The following GPR39 variants were observed in gnomAD, a reference collection of about 807,000 sequenced individuals.
The protein encoded by GPR39 is G protein-coupled receptor 39, also known as zinc sensing receptor.
A neutral mutation model predicts 18.4 loss-of-function variants in GPR39; 23 were observed. That is an observed-to-expected ratio of 1.25 (90% CI 0.90 to 1.77). GPR39 has a LOEUF of 1.77. Ranked by LOEUF, GPR39 falls within the 40% of genes most tolerant of loss-of-function variation. GPR39 has a pLI of 0.00. For synonymous variants in GPR39, 280 were observed against 257.9 expected, an observed-to-expected ratio of 1.09 and a Z score of -0.82; for missense variants, 647 against 602.4, an observed-to-expected ratio of 1.07 and a Z score of -0.78.
Position 132,645,414 on chromosome 2 carries a change from C to T in GPR39, c.1170C>T (p.Arg390=). The T allele has an allele frequency of 1.2e-6, 2 of 1,613,660 alleles. No individual in the cohort carries two copies. The highest frequency in any genetic ancestry group is 1.7e-6 in the Non-Finnish European group (2 of 1,180,032). Residue 390 remains arginine (R), a synonymous_variant, in exon 2 of 2, where the codon CGC becomes CGT. Transcript: ENST00000329321. ...CCGACAGCGCCCGCTTTGTGCAGCG[C>T]CCGTTGCTCTTCGCGTCCCGGCGCC... ...STTDSARFVQ[R]PLLFASRRQS... is the part of the protein sequence containing the mutation.
chr2:132,465,760 C>A (rs1309933043), intron 1 of GPR39, among the ~76,000 whole-genome samples: 2 of 152,020 alleles, frequency 1.3e-5, no homozygotes, highest in East Asian at 3.9e-4. Flanking sequence ...TTTTGCCTAC[C>A]ACTTAATAGC....
At chr2:132,552,612 T>G (rs1022313991) in intron 1 of GPR39, among the ~76,000 whole-genome samples, 1 of 152,058 alleles carries the variant, frequency 6.6e-6, no homozygotes, top group African/African-American at 2.4e-5. Flanking sequence ...TTATTTAAAA[T>G]ATACAGGAGG....
At chr2:132,466,735 T>G (rs1290218136) in intron 1 of GPR39, among the ~76,000 whole-genome samples, 1 of 152,202 alleles carries the variant, frequency 6.6e-6, no homozygotes, top group East Asian at 1.9e-4. Flanking sequence ...CTATAACATT[T>G]TAGATGGAGA....
chr2:132,553,052 A>G (rs1680077291), intron 1 of GPR39, among the ~76,000 whole-genome samples: 1 of 151,298 alleles, frequency 6.6e-6, no homozygotes, highest in Non-Finnish European at 1.5e-5. Context: ...CAGCCTCCCA[A>G]GTAGATTGGA....
chr2:132,433,635 G>C (rs1680261593), intron 1 of GPR39: 1 of 151,022 alleles, frequency 6.6e-6, no homozygotes, highest in Non-Finnish European at 1.5e-5. Context: ...TGCAACTGCA[G>C]TTGCCCTCCA....
At chr2:132,426,126 C>T (rs1467811784) in intron 1 of GPR39, among the ~76,000 whole-genome samples, 1 of 152,180 alleles carries the variant, frequency 6.6e-6, no homozygotes, top group Non-Finnish European at 1.5e-5. Context: ...GTTCAATCTC[C>T]AGAAGCTTCT....
In GPR39 at chr2:132,645,180, C is replaced by T. The variant is rs775441952; in HGVS notation, c.936C>T (p.His312=). ...TCATGGCTGCGGCCAAACCCAAGCA[C>T]GACTGGACGAGGTCCTACTTCCGGG... is the stretch of plus-strand genomic sequence containing the variant. ...RRIMAAAKPK[H]DWTRSYFRAY... The change falls in exon 2 of 2, where the codon CAC becomes CAT. Residue 312 remains histidine (H), a synonymous_variant. Coordinates refer to ENST00000329321, the MANE Select transcript of GPR39 (RefSeq NM_001508.3). 6.2e-7 allele frequency: 1 copy of T among 1,614,182 alleles called. No homozygotes were observed.
chr2:132,586,232 G>A (rs1260297004), intron 1 of GPR39, among the ~76,000 whole-genome samples: 4 of 152,110 alleles, frequency 2.6e-5, no homozygotes, highest in Non-Finnish European at 2.9e-5. Flanking sequence ...GCAACAAAAA[G>A]CCATTCACTT....
chr2:132,622,968 C>T (rs907886543), intron 1 of GPR39, among the ~76,000 whole-genome samples: 14 of 152,006 alleles, frequency 9.2e-5, no homozygotes, highest in East Asian at 7.7e-4. Context: ...ACAAAGTAGC[C>T]GGGTGTGGTG....
At chr2:132,529,479 G>A (rs527693637) in intron 1 of GPR39, among the ~76,000 whole-genome samples, 10 of 152,330 alleles carry the variant, frequency 6.6e-5, no homozygotes, top group Admixed American at 1.3e-4. Context: ...CTTAAATGTC[G>A]CTGTCTGACA....
At chr2:132,576,721 T>C (rs771523945) in intron 1 of GPR39, among the ~76,000 whole-genome samples, 4 of 152,188 alleles carry the variant, frequency 2.6e-5, no homozygotes, top group Non-Finnish European at 5.9e-5. Flanking sequence ...ATTTTTTTTC[T>C]AAAATTTTAC....
chr2:132,566,118 T>C (rs1202152666), intron 1 of GPR39, among the ~76,000 whole-genome samples: 3 of 147,144 alleles, frequency 2.0e-5, no homozygotes, highest in South Asian at 4.5e-4. Context: ...TGATATCTCA[T>C]AGTGGTTTTG....
chr2:132,627,608 A>T (rs1298523852), intron 1 of GPR39, among the ~76,000 whole-genome samples: 1 of 152,158 alleles, frequency 6.6e-6, no homozygotes, highest in Non-Finnish European at 1.5e-5. Flanking sequence ...TGCTCCTTAG[A>T]GTTGCATGCT....
At chr2:132,598,900 C>T (rs1363907714) in intron 1 of GPR39, among the ~76,000 whole-genome samples, 2 of 152,110 alleles carry the variant, frequency 1.3e-5, no homozygotes, top group African/African-American at 4.8e-5. Flanking sequence ...AGGTCAGGCA[C>T]ATGGAGAGCA....
intron 1 of GPR39, among the ~76,000 whole-genome samples, chr2:132,473,052 C>T (rs1268762546): frequency 1.3e-5 from 2 of 152,132 alleles, no homozygotes; most frequent in African/African-American, 4.8e-5. Flanking sequence ...CTGCCTGAAC[C>T]TGCTACAGAG....
intron 1 of GPR39, among the ~76,000 whole-genome samples, chr2:132,608,933 G>A (rs1681189828): frequency 6.6e-6 from 1 of 152,178 alleles, no homozygotes; most frequent in Non-Finnish European, 1.5e-5. Flanking sequence ...AGTGTTTCAG[G>A]AGACCTGCCA....
In GPR39 at chr2:132,646,439, C is replaced by A; in HGVS notation, c.*833C>A. ...TGCTTCGGATTGTCTCATTGATATT[C>A]AAGATAGATGGTGAAAGAGACAGGC... On this transcript the variant is annotated 3_prime_UTR_variant, in exon 2 of 2. Transcript: ENST00000329321. The A allele has an allele frequency of 2.4e-6, 1 of 421,664 alleles. No homozygotes were observed. The allele number at this position is 421,664 out of a possible 1,614,324, so 26.1% of individuals were successfully genotyped here.
intron 1 of GPR39, among the ~76,000 whole-genome samples, chr2:132,422,266 G>A (rs1393219893): frequency 1.3e-5 from 2 of 152,054 alleles, no homozygotes; most frequent in Non-Finnish European, 2.9e-5. Context: ...GGTCTAATTC[G>A]AGCAAATCTT....
chr2:132,585,702 G>A (rs1044035403), intron 1 of GPR39, among the ~76,000 whole-genome samples: 1 of 152,008 alleles, frequency 6.6e-6, no homozygotes, highest in Non-Finnish European at 1.5e-5. Context: ...CAAGGGGGGC[G>A]CAGTTTGCGA....
Sources: gnomAD v4.1 joint callset for allele counts (sites outside exome capture counted in the v4.1 genomes callset) on GRCh38, gnomAD v4.1.1 for gene constraint, MANE v1.5 for transcripts, NCBI Gene and HGNC (gene_info 2026-07-23, HGNC 2026-07-21) for gene names.